Variants in MUSK observed in about 807,000 individuals in gnomAD.
MUSK encodes the protein muscle, skeletal receptor tyrosine-protein kinase.
Under a neutral mutation model 88.7 loss-of-function variants are expected in MUSK, and 55 were observed. That is an observed-to-expected ratio of 0.62 (90% CI 0.50 to 0.78). MUSK has a LOEUF of 0.78. Among genes scored for constraint, MUSK ranks in the 30% least tolerant of loss-of-function variants. MUSK has a pLI of 0.00. For missense variants in MUSK, 1,015 were observed against 1,074.3 expected (o/e 0.94, Z 0.77); for synonymous variants, 387 against 391.9 (o/e 0.99, Z 0.15).
Position 110,762,206 on chromosome 9 carries a change from G to A in MUSK, c.918G>A (p.Trp306Ter). 6.9e-7 allele frequency: 1 copy of A among 1,439,700 alleles called. No homozygotes were observed. The highest frequency in any genetic ancestry group is 9.1e-7 in the Non-Finnish European group (1 of 1,093,050). 89.2% of individuals were successfully genotyped at this position (1,439,700 alleles called of 1,614,324 possible). The change falls in exon 8 of 15, where the codon TGG (tryptophan) becomes TGA (stop). Residue 306 changes from tryptophan (W) to a stop codon, truncating the protein, a stop_gained and splice_region_variant. Transcript: ENST00000374448. LOFTEE classifies it high-confidence loss of function. ...AACTTCCTTTCCTGTTAATAGAATG[G>A]AGGTAAGAAACTGTTATTGTAACAA... is the stretch of plus-strand genomic sequence containing the variant. ...KAAATISIAE[W>*]SKPQKDNKGY...
chr9:110,702,782 A>G (rs916125686), intron 5 of MUSK, among the ~76,000 whole-genome samples: 8 of 152,122 alleles, frequency 5.3e-5, no homozygotes, highest in African/African-American at 1.9e-4. Context: ...AGTCTCAACT[A>G]TTTGGGAGCC....
At chr9:110,695,138 T>C (rs1289934135) in intron 3 of MUSK, among the ~76,000 whole-genome samples, 1 of 152,184 alleles carries the variant, frequency 6.6e-6, no homozygotes, top group Non-Finnish European at 1.5e-5. Context: ...AAGAATGCTA[T>C]GGTAACTTCA....
chr9:110,745,152 A>G lies in MUSK; in HGVS notation c.754-2489A>G, dbSNP rs74833330. 9.2e-3 allele frequency among the ~76,000 whole-genome samples: 1,403 copies of G among 152,302 alleles called. 19 individuals carry two copies. Among genetic ancestry groups the G allele is most frequent in the African/African-American group, 0.031 (1,292 of 41,556 alleles). On this transcript the variant is annotated intron_variant, in intron 6 of 14. Coordinates refer to ENST00000374448, the MANE Select transcript of MUSK (RefSeq NM_005592.4). Reference sequence around the variant, plus strand: ...CTTTGTACTCAAGCATGAACCTCCTAAAGTGTTGGTCTCTTTGCTGAACTA... The same window carrying G: ...CTTTGTACTCAAGCATGAACCTCCTGAAGTGTTGGTCTCTTTGCTGAACTA...
chr9:110,779,709 G>A (rs547075354), intron 11 of MUSK, among the ~76,000 whole-genome samples: 1 of 151,958 alleles, frequency 6.6e-6, no homozygotes, highest in Non-Finnish European at 1.5e-5. Context: ...GACATTAATA[G>A]CCCTTCTATA....
intron 10 of MUSK, 140 bp downstream of exon 10, chr9:110,776,103 T>A: frequency 1.3e-6 from 1 of 773,570 alleles, no homozygotes; most frequent in Non-Finnish European, 2.1e-6. Flanking sequence ...CTTAGATACC[T>A]ACTAGCGGAA....
intron 5 of MUSK, among the ~76,000 whole-genome samples, chr9:110,721,371 T>A (rs1173632065): frequency 1.3e-5 from 2 of 152,114 alleles, no homozygotes; most frequent in Non-Finnish European, 2.9e-5. Context: ...CTCTTAGAAC[T>A]GGTAGATGAA....
chr9:110,707,700 A>G (rs954753119), intron 5 of MUSK, among the ~76,000 whole-genome samples: 6 of 152,226 alleles, frequency 3.9e-5, no homozygotes, highest in African/African-American at 1.4e-4. Flanking sequence ...CAAAACTGCA[A>G]ATAAGAGCCA....
At chr9:110,728,750 T>C (rs114766491) in intron 5 of MUSK, 39 of 1,546,688 alleles carry the variant, frequency 2.5e-5, no homozygotes, top group Middle Eastern at 1.7e-4. Flanking sequence ...GGCTTCTTTT[T>C]AATTGTGTAG....
At chr9:110,790,540 A>G (rs1213014460) in intron 14 of MUSK, among the ~76,000 whole-genome samples, 2 of 152,192 alleles carry the variant, frequency 1.3e-5, no homozygotes, top group African/African-American at 4.8e-5. Flanking sequence ...GCACTGTTGG[A>G]TGGATTGGCC....
intron 1 of MUSK, among the ~76,000 whole-genome samples, chr9:110,676,715 C>T (rs941918871): frequency 4.6e-5 from 7 of 151,604 alleles, no homozygotes; most frequent in African/African-American, 1.5e-4. Flanking sequence ...CATGTCCCTG[C>T]AAAGGACATA....
At chr9:110,690,159 AAT>A (rs1564219180) in intron 3 of MUSK, among the ~76,000 whole-genome samples, 2 of 95,332 alleles carry the variant, frequency 2.1e-5, no homozygotes, top group African/African-American at 1.0e-4. Flanking sequence ...TTTAAGTATA[AAT>A]ATATAAATAT....
At chr9:110,735,858 G>A (rs888752462) in intron 6 of MUSK, among the ~76,000 whole-genome samples, 1 of 152,028 alleles carries the variant, frequency 6.6e-6, no homozygotes, top group Non-Finnish European at 1.5e-5. Flanking sequence ...TGCCACACAC[G>A]TTTAAACAAC....
intron 1 of MUSK, among the ~76,000 whole-genome samples, chr9:110,674,248 C>T (rs1315333174): frequency 6.6e-6 from 1 of 152,164 alleles, no homozygotes; most frequent in Non-Finnish European, 1.5e-5. Flanking sequence ...TTCTACCACA[C>T]AGACACATTA....
chr9:110,715,972 G>A lies in MUSK; in HGVS notation c.629-18279G>A, dbSNP rs181664528. ...ACAATACACACTGGGGCCTGTTGGAGGCTGGGAGTGGGAGGAAGGAGAGCT... is the reference window on the plus strand; with the variant it reads ...ACAATACACACTGGGGCCTGTTGGAAGCTGGGAGTGGGAGGAAGGAGAGCT... On this transcript the variant is annotated intron_variant, in intron 5 of 14. Transcript: ENST00000374448. 1.5e-4 allele frequency among the ~76,000 whole-genome samples: 22 copies of A among 149,382 alleles called. 1 individual carries two copies. Among genetic ancestry groups the A allele is most frequent in the Admixed American group, 1.1e-3 (16 of 15,188 alleles).
chr9:110,760,623 C>T (rs972333731), intron 7 of MUSK, among the ~76,000 whole-genome samples: 23 of 152,048 alleles, frequency 1.5e-4, no homozygotes, highest in African/African-American at 5.5e-4. Flanking sequence ...CTTTCGGGCA[C>T]TATGGTTAGT....
intron 5 of MUSK, among the ~76,000 whole-genome samples, chr9:110,730,091 A>G (rs955382184): frequency 5.9e-5 from 9 of 152,074 alleles, no homozygotes; most frequent in South Asian, 2.1e-4. Flanking sequence ...CTTGAGCCCA[A>G]TTTTGAATAT....
intron 5 of MUSK, among the ~76,000 whole-genome samples, chr9:110,730,785 TA>T (rs1191272604): frequency 6.6e-6 from 1 of 152,006 alleles, no homozygotes; most frequent in Non-Finnish European, 1.5e-5. Flanking sequence ...TAGAGTTGGG[TA>T]AAAACATATC....
chr9:110,755,981 T>TATATATATACAC (rs1564269096), intron 7 of MUSK, among the ~76,000 whole-genome samples: 2 of 108,120 alleles, frequency 1.8e-5, no homozygotes, highest in African/African-American at 3.3e-5. Context: ...TATATATACA[T>TATATATATACAC]ATATATATAT....
rs930571978 is a variant in MUSK at position 110,669,130 on chromosome 9, T to C, written c.79+147T>C. 3 of 759,492 alleles carry C rather than the reference T, an allele frequency of 4.0e-6. No homozygotes were observed. In the African/African-American group the frequency reaches 5.2e-5, roughly 13 times the overall value. 47.0% of individuals were successfully genotyped at this position (759,492 alleles called of 1,614,324 possible). ...GTGAAATGTATGATGAGGGAGGAAA[T>C]TATATACATAAGCAATTGGTTGATG... On this transcript the variant is annotated intron_variant, in intron 1 of 14. Coordinates refer to ENST00000374448, the MANE Select transcript of MUSK (RefSeq NM_005592.4).
Sources: gnomAD v4.1 joint callset for allele counts (sites outside exome capture counted in the v4.1 genomes callset) on GRCh38, gnomAD v4.1.1 for gene constraint, MANE v1.5 for transcripts, NCBI Gene and HGNC (gene_info 2026-07-23, HGNC 2026-07-21) for gene names.